HHAT: variants seen among roughly 807,000 people sequenced by gnomAD.
The protein encoded by HHAT is protein-cysteine N-palmitoyltransferase HHAT.
Under a neutral mutation model 70.8 loss-of-function variants are expected in HHAT, and 47 were observed. The observed-to-expected ratio is 0.66, with a 90% confidence interval of 0.53 to 0.85. The LOEUF is 0.85. HHAT is among the 40% of genes least tolerant of loss of function. The pLI is 0.00. For synonymous variants in HHAT, 228 were observed against 247.6 expected (o/e 0.92, Z 0.74); for missense variants, 609 against 604.8 (o/e 1.01, Z -0.07).
chr1:210,557,584 G>A (rs992287847), intron 9 of HHAT, among the ~76,000 whole-genome samples: 13 of 152,302 alleles, frequency 8.5e-5, no homozygotes, highest in Admixed American at 7.2e-4. Flanking sequence ...ACATGGTTGA[G>A]GAGGCCTCAG....
chr1:210,330,623 T>G (rs1019242077), intron 1 of HHAT, among the ~76,000 whole-genome samples: 5 of 152,134 alleles, frequency 3.3e-5, no homozygotes, highest in African/African-American at 1.2e-4. Flanking sequence ...GCTCTGTAGG[T>G]AGCATCAGGA....
At chr1:210,616,844 T>C (rs533215382) in intron 10 of HHAT, among the ~76,000 whole-genome samples, 1 of 152,218 alleles carries the variant, frequency 6.6e-6, no homozygotes. Flanking sequence ...TTTTACCTAC[T>C]TTACAGTATA....
intron 9 of HHAT, among the ~76,000 whole-genome samples, chr1:210,560,109 A>C (rs147373566): frequency 6.6e-6 from 1 of 152,292 alleles, no homozygotes; most frequent in African/African-American, 2.4e-5. Context: ...CTTAGGATCA[A>C]ATGAAAACCC....
chr1:210,329,342 T>G, intron 1 of HHAT: 6 of 1,203,446 alleles, frequency 5.0e-6, no homozygotes, highest in Non-Finnish European at 6.2e-6. Context: ...CCGGGACAAG[T>G]CCGCGCACGG....
At chr1:210,384,457 G>GTTAC (rs2090893851) in intron 3 of HHAT, among the ~76,000 whole-genome samples, 1 of 152,192 alleles carries the variant, frequency 6.6e-6, no homozygotes, top group Non-Finnish European at 1.5e-5. Context: ...CAGGCTGGTA[G>GTTAC]TATCACATCA....
intron 7 of HHAT, among the ~76,000 whole-genome samples, chr1:210,450,916 A>G (rs1419302819): frequency 6.6e-6 from 1 of 151,924 alleles, no homozygotes; most frequent in Non-Finnish European, 1.5e-5. Context: ...CCCCGTCTCT[A>G]CTAAAAATAC....
intron 8 of HHAT, among the ~76,000 whole-genome samples, chr1:210,512,719 C>CAT (rs1284857175): frequency 6.8e-6 from 1 of 146,074 alleles, no homozygotes; most frequent in Non-Finnish European, 1.5e-5. Flanking sequence ...TGTGTATATA[C>CAT]ATATATATAT....
chr1:210,506,063 G>A (rs979847779), intron 8 of HHAT, among the ~76,000 whole-genome samples: 8 of 152,264 alleles, frequency 5.3e-5, no homozygotes, highest in Admixed American at 6.5e-5. Flanking sequence ...CCCCTCCTCC[G>A]TCAAAGAAGC....
At chr1:210,454,000 CAA>C (rs998445626) in intron 7 of HHAT, among the ~76,000 whole-genome samples, 4 of 152,096 alleles carry the variant, frequency 2.6e-5, no homozygotes, top group African/African-American at 4.8e-5. Flanking sequence ...ATGGCGGTGA[CAA>C]GAGAGAAATG....
intron 10 of HHAT, among the ~76,000 whole-genome samples, chr1:210,601,448 G>T (rs1320128883): frequency 6.6e-6 from 1 of 151,916 alleles, no homozygotes; most frequent in Non-Finnish European, 1.5e-5. Flanking sequence ...TCCTCCATTT[G>T]GATTTCTTTC....
chr1:210,388,243 C>G (rs375695346), intron 4 of HHAT, among the ~76,000 whole-genome samples: 8 of 152,144 alleles, frequency 5.3e-5, no homozygotes, highest in Non-Finnish European at 1.0e-4. Flanking sequence ...AAAGTCTGTG[C>G]TTGGAAATTT....
chr1:210,541,220 A>G (rs1283907486), intron 9 of HHAT, among the ~76,000 whole-genome samples: 2 of 152,224 alleles, frequency 1.3e-5, no homozygotes, highest in African/African-American at 4.8e-5. Flanking sequence ...ATACTGAGCA[A>G]TGTTTCTGAA....
intron 1 of HHAT, among the ~76,000 whole-genome samples, chr1:210,339,813 ATGT>A (rs2085844817): frequency 6.6e-6 from 1 of 152,192 alleles, no homozygotes; most frequent in Non-Finnish European, 1.5e-5. Context: ...AAGGCATCAC[ATGT>A]TGTGATGGTT....
At position 210,627,789 on chromosome 1, in the gene HHAT, A is replaced by G. The variant is rs1196557811; in HGVS notation, c.1390+4119A>G. On this transcript the variant is annotated intron_variant, in intron 11 of 11. Coordinates refer to ENST00000261458, the MANE Select transcript of HHAT (RefSeq NM_018194.6). ...ATTGAAGTTTACTTCAAGCTGCTTG[A>G]GGAATATGCATATCTAGGGCTCACA... Among the ~76,000 whole-genome samples the G allele has an allele frequency of 2.6e-5, 4 of 152,212 alleles. No homozygotes were observed. The South Asian group carries it at 8.3e-4, about 31-fold the overall frequency.
rs1040068205 is a variant in HHAT, at chr1:210,663,214, G to A, written c.1391-11074G>A. 1.4e-4 allele frequency among the ~76,000 whole-genome samples: 21 copies of A among 152,134 alleles called. 1 individual carries two copies. Among genetic ancestry groups the A allele is most frequent in the East Asian group, 3.9e-4 (2 of 5,184 alleles). ...TCCCACCACAGCGACAAGAAAGGGCGGCCCCAGGAGATGGGGGGACCGAGT... is the reference window on the plus strand; with the variant it reads ...TCCCACCACAGCGACAAGAAAGGGCAGCCCCAGGAGATGGGGGGACCGAGT... On this transcript the variant is annotated intron_variant, in intron 11 of 11. Transcript: ENST00000261458.
At chr1:210,578,425 T>TA (rs906300041) in intron 9 of HHAT, among the ~76,000 whole-genome samples, 1 of 152,080 alleles carries the variant, frequency 6.6e-6, no homozygotes, top group African/African-American at 2.4e-5. Flanking sequence ...GGAGATTCCT[T>TA]AAAAAAATAA....
chr1:210,672,449 C>G (rs528598492), intron 11 of HHAT, among the ~76,000 whole-genome samples: 1 of 152,330 alleles, frequency 6.6e-6, no homozygotes, highest in African/African-American at 2.4e-5. Context: ...GGGCCCTGTC[C>G]CTTCCCATCT....
At chr1:210,496,004 C>G (rs1488267488) in intron 8 of HHAT, among the ~76,000 whole-genome samples, 1 of 37,916 alleles carries the variant, frequency 2.6e-5, no homozygotes, top group Non-Finnish European at 4.9e-5. Flanking sequence ...GAGTCAAACT[C>G]TATCTCAAAA....
chr1:210,668,580 C>T (rs2148978196), intron 11 of HHAT, among the ~76,000 whole-genome samples: 1 of 152,282 alleles, frequency 6.6e-6, no homozygotes, highest in South Asian at 2.1e-4. Context: ...GAGGCCTCCC[C>T]AGCCATGTGG....
Sources: allele counts gnomAD v4.1 joint callset (sites outside exome capture counted in the v4.1 genomes callset), GRCh38; gene constraint gnomAD v4.1.1; transcripts MANE v1.5; gene names NCBI Gene and HGNC (gene_info 2026-07-23, HGNC 2026-07-21).